PAFAH2: variants seen among roughly 807,000 people sequenced by gnomAD.
The protein encoded by PAFAH2 is platelet activating factor acetylhydrolase 2, also known as platelet-activating factor acetylhydrolase 2, cytoplasmic.
In PAFAH2, 42 loss-of-function variants were observed where a neutral mutation model predicts 49.0. The ratio of observed to expected loss-of-function variants is 0.86; its 90% CI spans 0.67 to 1.11. The LOEUF (loss-of-function observed/expected upper bound fraction) is 1.11. PAFAH2 is among the 50% of genes least tolerant of loss of function. The pLI is 0.00. For synonymous variants in PAFAH2, 184 were observed against 181.3 expected (o/e 1.01, Z -0.12); for missense variants, 503 against 501.8 (o/e 1.00, Z -0.02).
rs149870341 is a variant in PAFAH2, at chr1:25,994,290, C to T, written c.-47-3427G>A. ...GACTATAGGCACTTGCCATCACACCCGGCTAATTTTTGTATTTATTTGTAG... is the reference window on the plus strand; with the variant it reads ...GACTATAGGCACTTGCCATCACACCTGGCTAATTTTTGTATTTATTTGTAG... On this transcript the variant is annotated intron_variant, in intron 1 of 10. Coordinates refer to ENST00000374282, the MANE Select transcript of PAFAH2 (RefSeq NM_000437.4). 1.5e-3 allele frequency among the ~76,000 whole-genome samples: 231 copies of T among 152,094 alleles called. 2 individuals carry two copies. The highest frequency in any genetic ancestry group is 4.6e-3 in the African/African-American group (190 of 41,480).
At chr1:25,984,948 G>A (rs1180054922) in intron 4 of PAFAH2, among the ~76,000 whole-genome samples, 1 of 145,824 alleles carries the variant, frequency 6.9e-6, no homozygotes, top group Admixed American at 7.3e-5. Flanking sequence ...TCTGCCTCCC[G>A]GGGTCAAGTG....
chr1:25,994,701 A>G (rs1006568445), intron 1 of PAFAH2, among the ~76,000 whole-genome samples: 1 of 152,146 alleles, frequency 6.6e-6, no homozygotes, highest in African/African-American at 2.4e-5. Context: ...GGGAACCAGG[A>G]CAATAGTCCT....
At position 25,974,461 on chromosome 1, in the gene PAFAH2, G is replaced by A. The variant is rs377536888; in HGVS notation, c.929+19C>T. ...CAAATGGAGAGGGCCCTGGGATCACGACCTTGTGGTTTACTCACAGAACGG... is the reference window on the plus strand; with the variant it reads ...CAAATGGAGAGGGCCCTGGGATCACAACCTTGTGGTTTACTCACAGAACGG... On this transcript the variant is annotated intron_variant, in intron 9 of 10. Coordinates refer to ENST00000374282, the MANE Select transcript of PAFAH2 (RefSeq NM_000437.4). 52 of 1,572,192 alleles carry A rather than the reference G, an allele frequency of 3.3e-5. No individual in the cohort carries two copies. In the African/African-American group the frequency reaches 4.0e-4, roughly 12 times the overall value.
At chr1:25,970,108 G>C (rs909160953) in intron 10 of PAFAH2, among the ~76,000 whole-genome samples, 3 of 152,224 alleles carry the variant, frequency 2.0e-5, no homozygotes, top group Admixed American at 2.0e-4. Context: ...AATCCAGGCT[G>C]TTTGTTGTGC....
At position 25,974,654 on chromosome 1, in the gene PAFAH2, G is replaced by A. The variant is rs769082439; in HGVS notation, c.759-4C>T. 10 of 1,610,834 alleles carry A rather than the reference G, an allele frequency of 6.2e-6. No homozygotes were observed. The highest frequency in any genetic ancestry group is 3.3e-5 in the South Asian group (3 of 90,692). On this transcript the variant is annotated splice_region_variant and splice_polypyrimidine_tract_variant and intron_variant, in intron 8 of 10. Coordinates refer to ENST00000374282, the MANE Select transcript of PAFAH2 (RefSeq NM_000437.4). ...AGCATCCAGAGCCACCGCACACCTG[G>A]AATAGGACCAGACATTTGGAATTGC...
intron 7 of PAFAH2, among the ~76,000 whole-genome samples, chr1:25,981,670 G>T (rs188437815): frequency 6.6e-6 from 1 of 152,214 alleles, no homozygotes; most frequent in African/African-American, 2.4e-5. Context: ...TGAGACCCAC[G>T]TAGGGTCACA....
chr1:25,992,824 T>A (rs1484766352), intron 1 of PAFAH2, among the ~76,000 whole-genome samples: 1 of 152,212 alleles, frequency 6.6e-6, no homozygotes, highest in Non-Finnish European at 1.5e-5. Flanking sequence ...CAGTCCTTCT[T>A]ATTCTCCGGT....
At chr1:25,983,798 A>T in intron 6 of PAFAH2, 148 bp downstream of exon 6, 1 of 870,984 alleles carries the variant, frequency 1.1e-6, no homozygotes, top group Non-Finnish European at 1.8e-6. Flanking sequence ...AGTCCTGATT[A>T]ATATCCTATG....
At chr1:25,988,408 G>T in intron 3 of PAFAH2, 81 bp from the exon 4 acceptor site, 1 of 993,426 alleles carries the variant, frequency 1.0e-6, no homozygotes, top group Non-Finnish European at 1.6e-6. Context: ...GGTATGGGTG[G>T]GGACATGTGT....
intron 10 of PAFAH2, chr1:25,964,198 T>C (rs1296179467): frequency 1.3e-5 from 2 of 152,460 alleles, no homozygotes; most frequent in East Asian, 1.9e-4. Flanking sequence ...GACTCTTCAG[T>C]GCTCGCTTTG....
intron 10 of PAFAH2, among the ~76,000 whole-genome samples, chr1:25,972,056 G>A (rs997029228): frequency 3.9e-5 from 6 of 152,090 alleles, no homozygotes; most frequent in African/African-American, 1.2e-4. Context: ...AGATAGTCAG[G>A]ATCTCCAAAC....
At chr1:25,990,492 C>A (rs186097057) in intron 2 of PAFAH2, among the ~76,000 whole-genome samples, 3 of 152,118 alleles carry the variant, frequency 2.0e-5, no homozygotes, top group Admixed American at 1.3e-4. Context: ...TAGAGTCCCC[C>A]CTTTCCTCCT....
intron 8 of PAFAH2, 35 bp downstream of exon 8, chr1:25,976,647 G>A (rs1459054843): frequency 1.4e-6 from 2 of 1,421,824 alleles, no homozygotes; most frequent in Admixed American, 3.4e-5. Flanking sequence ...AACGGTGTAT[G>A]GAGCTAAGCA....
intron 1 of PAFAH2, among the ~76,000 whole-genome samples, chr1:25,995,516 TAGAA>T (rs1392834049): frequency 6.6e-6 from 1 of 152,238 alleles, no homozygotes; most frequent in African/African-American, 2.4e-5. Context: ...AGACTTTGAT[TAGAA>T]ATGTCTCTGG....
At chr1:25,983,525 C>T (rs2049726627) in intron 6 of PAFAH2, among the ~76,000 whole-genome samples, 1 of 150,050 alleles carries the variant, frequency 6.7e-6, no homozygotes, top group Non-Finnish European at 1.5e-5. Flanking sequence ...CCACTGCACT[C>T]CAATCTGGGC....
Position 25,961,817 on chromosome 1 carries a change from A to G in PAFAH2, c.*172T>C. 1 of 547,604 alleles carries G rather than the reference A, an allele frequency of 1.8e-6. No homozygotes were observed. Among genetic ancestry groups the G allele is most frequent in the South Asian group, 2.9e-5 (1 of 34,652 alleles). 33.9% of individuals were successfully genotyped at this position (547,604 alleles called of 1,614,324 possible). A position where few individuals can be genotyped will look rare whatever the true frequency, so the allele number is the denominator to read the frequency against. On this transcript the variant is annotated 3_prime_UTR_variant, in exon 11 of 11. Coordinates refer to ENST00000374282, the MANE Select transcript of PAFAH2 (RefSeq NM_000437.4). ...GGATCCCAGTCCCAAAGTGATTTTA[A>G]GATCAAATCTAAGATCAAAGTACCC... is the stretch of plus-strand genomic sequence containing the variant.
intron 7 of PAFAH2, among the ~76,000 whole-genome samples, chr1:25,977,653 CAAAA>C (rs534687608): frequency 1.7e-5 from 1 of 60,464 alleles, no homozygotes. Flanking sequence ...ACCCTGTCTC[CAAAA>C]AAAAAAAAAA....
intron 10 of PAFAH2, among the ~76,000 whole-genome samples, chr1:25,967,893 TG>T (rs932056748): frequency 8.6e-5 from 13 of 152,030 alleles, no homozygotes; most frequent in Non-Finnish European, 1.9e-4. Context: ...GGGCTGGGCA[TG>T]GTAGCTCACG....
chr1:25,986,644 C>T (rs2049785502), intron 4 of PAFAH2, among the ~76,000 whole-genome samples: 2 of 152,076 alleles, frequency 1.3e-5, no homozygotes, highest in African/African-American at 4.8e-5. Context: ...ATTCTCCTAC[C>T]TCAGCCTCCC....
Sources: allele counts gnomAD v4.1 joint callset (sites outside exome capture counted in the v4.1 genomes callset), GRCh38; gene constraint gnomAD v4.1.1; transcripts MANE v1.5; gene names NCBI Gene and HGNC (gene_info 2026-07-23, HGNC 2026-07-21).